The following TAF15 variants were observed in gnomAD, a reference collection of about 807,000 sequenced individuals.
TAF15 encodes the protein TATA-box binding protein associated factor 15, also known as TATA-binding protein-associated factor 2N.
TAF15 carries 37 observed loss-of-function variants against 102.5 expected under a neutral mutation model. That is an observed-to-expected ratio of 0.36 (90% CI 0.28 to 0.47). The LOEUF is 0.47. Among genes scored for constraint, TAF15 ranks in the 20% least tolerant of loss-of-function variants. The probability of loss-of-function intolerance (pLI) is 0.99; values close to 1 mark genes in which losing one functional copy is unlikely to be tolerated. For missense variants in TAF15, 652 were observed against 760.7 expected (o/e 0.86, Z 1.68); for synonymous variants, 273 against 259.2 (o/e 1.05, Z -0.51).
chr17:35,825,763 A>G (rs2087317439), intron 7 of TAF15, among the ~76,000 whole-genome samples: 1 of 152,050 alleles, frequency 6.6e-6, no homozygotes, highest in Non-Finnish European at 1.5e-5. Context: ...CCTGGCCAAC[A>G]CAGTGAAACC....
At chr17:35,840,412 C>T (rs148825949) in intron 11 of TAF15, among the ~76,000 whole-genome samples, 18 of 150,728 alleles carry the variant, frequency 1.2e-4, no homozygotes, top group African/African-American at 2.4e-4. Context: ...CCACCACGCC[C>T]GGCTAATTTT....
At chr17:35,813,883 T>A (rs537704516) in intron 1 of TAF15, among the ~76,000 whole-genome samples, 1 of 152,306 alleles carries the variant, frequency 6.6e-6, no homozygotes, top group African/African-American at 2.4e-5. Flanking sequence ...GTGGTATGAT[T>A]AATAACAGAC....
chr17:35,810,247 T>C (rs1196318580), intron 1 of TAF15: 1 of 157,980 alleles, frequency 6.3e-6, no homozygotes. Context: ...TGAAAGAGTT[T>C]GAAAGTGAGC....
intron 5 of TAF15, among the ~76,000 whole-genome samples, chr17:35,821,855 C>T (rs1158765999): frequency 1.3e-5 from 2 of 151,950 alleles, no homozygotes; most frequent in Admixed American, 1.3e-4. Context: ...GTTTAGAAGA[C>T]TGTACTATAG....
Position 35,844,286 on chromosome 17 carries a change from C to G in TAF15, c.1095C>G (p.Cys365Trp), listed in dbSNP as rs1292954697. Residue 365 changes from cysteine to tryptophan, a missense_variant, in exon 14 of 16, where the codon TGC becomes TGG. Transcript: ENST00000605844. Reference protein sequence around the residue: ...SGDWVCPNPSCGNMNFARRNS... With the variant: ...SGDWVCPNPSWGNMNFARRNS... ...TATTTTCCTCCTTTCTTAGGTCATG[C>G]GGAAATATGAACTTTGCTCGAAGGA... 1 of 1,613,946 alleles carries G rather than the reference C, an allele frequency of 6.2e-7. No individual in the cohort carries two copies. Among genetic ancestry groups the G allele is most frequent in the African/African-American group, 1.3e-5 (1 of 74,896 alleles).
In TAF15 at chr17:35,824,068, T is replaced by A. The variant is rs904578737; in HGVS notation, c.485-10T>A. The stretch of plus-strand genomic sequence containing the variant: ...GTGGTTATTTGTGTGTAATATTTTC[T>A]TTTTTGTAGATGACCGTCGTGATGT... On this transcript the variant is annotated splice_polypyrimidine_tract_variant and intron_variant, in intron 6 of 15. Coordinates refer to ENST00000605844, the MANE Select transcript of TAF15 (RefSeq NM_139215.3). The A allele has an allele frequency of 1.9e-6, 3 of 1,614,040 alleles. 1 individual carries two copies. In the African/African-American group the frequency reaches 4.0e-5, roughly 22 times the overall value.
chr17:35,822,757 TCAG>T lies in TAF15; in HGVS notation c.414_416del (p.Gln138del). The T allele has an allele frequency of 1.2e-6, 2 of 1,614,182 alleles. No individual in the cohort carries two copies. The highest frequency in any genetic ancestry group is 1.7e-6 in the Non-Finnish European group (2 of 1,180,044). ...CATATGATGAGCAGTCAAATTATGA[TCAG>T]CAGCATGATTCCTATAGTCAAAACC... On this transcript the variant is annotated inframe_deletion, in exon 6 of 16. Transcript: ENST00000605844.
chr17:35,835,966 A>G (rs1181585558), intron 9 of TAF15, among the ~76,000 whole-genome samples, 166 bp from the exon 10 acceptor site: 2 of 152,234 alleles, frequency 1.3e-5, no homozygotes, highest in African/African-American at 4.8e-5. Flanking sequence ...CCAAATAATT[A>G]CTGTGAATAC....
At chr17:35,824,291 A>G in intron 7 of TAF15, 93 bp downstream of exon 7, 1 of 1,524,466 alleles carries the variant, frequency 6.6e-7, no homozygotes, top group Non-Finnish European at 8.9e-7. Context: ...CCAGCATCTA[A>G]TTTAGTTAAG....
chr17:35,824,583 C>T (rs1481437759), intron 7 of TAF15, among the ~76,000 whole-genome samples: 1 of 152,144 alleles, frequency 6.6e-6, no homozygotes, highest in Non-Finnish European at 1.5e-5. Context: ...GGGGCAGAGG[C>T]TATTTCTTAA....
intron 7 of TAF15, among the ~76,000 whole-genome samples, chr17:35,832,963 C>T (rs538024180): frequency 1.5e-4 from 23 of 152,138 alleles, no homozygotes; most frequent in African/African-American, 5.1e-4. Flanking sequence ...TGGAGATCAA[C>T]TTAGCCAACA....
chr17:35,844,462 A>G lies in TAF15; in HGVS notation c.1178-15A>G, dbSNP rs1053261326. The G allele has an allele frequency of 6.2e-7, 1 of 1,613,412 alleles. No homozygotes were observed. Among genetic ancestry groups the G allele is most frequent in the Non-Finnish European group, 8.5e-7 (1 of 1,179,782 alleles). ...TGTTTCTGCTGGCCTCATTGTTTGC[A>G]TTTCTACCTTGCAGATTTCCGGGGG... On this transcript the variant is annotated splice_polypyrimidine_tract_variant and intron_variant, in intron 14 of 15. Transcript: ENST00000605844.
At chr17:35,834,057 G>A (rs1598540764) in intron 8 of TAF15, 116 bp downstream of exon 8, 1 of 967,748 alleles carries the variant, frequency 1.0e-6, no homozygotes. Flanking sequence ...GCTGGTGTGT[G>A]TTGTGTGCTT....
chr17:35,831,218 C>T (rs985446750), intron 7 of TAF15, among the ~76,000 whole-genome samples: 1 of 152,040 alleles, frequency 6.6e-6, no homozygotes, highest in Non-Finnish European at 1.5e-5. Context: ...CTGGCTAACA[C>T]GGTGAAACCC....
chr17:35,814,390 G>A (rs532040694), intron 1 of TAF15, among the ~76,000 whole-genome samples: 6 of 151,926 alleles, frequency 3.9e-5, no homozygotes, highest in African/African-American at 1.4e-4. Context: ...GGATGGTCTC[G>A]ATCTCCTGAC....
chr17:35,836,702 G>A (rs1421024451), intron 10 of TAF15, among the ~76,000 whole-genome samples: 1 of 152,074 alleles, frequency 6.6e-6, no homozygotes, highest in Non-Finnish European at 1.5e-5. Flanking sequence ...CAACTAGAAA[G>A]CAGCCTTAGT....
intron 5 of TAF15, among the ~76,000 whole-genome samples, chr17:35,822,164 A>G (rs2087268016): frequency 6.6e-6 from 1 of 152,020 alleles, no homozygotes; most frequent in Non-Finnish European, 1.5e-5. Context: ...CAACATGGAG[A>G]AACCCCGTCT....
rs774683396 is a variant in TAF15 at position 35,809,533 on chromosome 17, G to A, written c.-37G>A. On this transcript the variant is annotated 5_prime_UTR_variant, in exon 1 of 16. Coordinates refer to ENST00000605844, the MANE Select transcript of TAF15 (RefSeq NM_139215.3). ...CCTGGCTTTCGTATTCGTTGTTCTC[G>A]GCGGGCTGTGGGGCCTCCGCGCCGC... The A allele has an allele frequency of 6.2e-7, 1 of 1,612,818 alleles. No individual in the cohort carries two copies. Among genetic ancestry groups the A allele is most frequent in the Non-Finnish European group, 8.5e-7 (1 of 1,179,760 alleles).
chr17:35,838,582 T>G lies in TAF15; in HGVS notation c.913+29T>G, dbSNP rs371801184. 2.0e-5 allele frequency: 32 copies of G among 1,611,266 alleles called. No individual in the cohort carries two copies. In the African/African-American group the frequency reaches 4.1e-4, roughly 21 times the overall value. Reference sequence around the variant, plus strand: ...TGCCTCATTCGTATAGTTTTCAGCATGAAGTTGGATAAATGTTTTCTAGTC... The same window carrying G: ...TGCCTCATTCGTATAGTTTTCAGCAGGAAGTTGGATAAATGTTTTCTAGTC... On this transcript the variant is annotated intron_variant, in intron 11 of 15. Transcript: ENST00000605844.
Sources: gnomAD v4.1 joint callset for allele counts (sites outside exome capture counted in the v4.1 genomes callset) on GRCh38, gnomAD v4.1.1 for gene constraint, MANE v1.5 for transcripts, NCBI Gene and HGNC (gene_info 2026-07-23, HGNC 2026-07-21) for gene names.